The following XRN1 variants were observed in gnomAD, a reference collection of about 807,000 sequenced individuals.
XRN1 encodes the protein 5'-3' exoribonuclease 1, also known as strand-exchange protein 1 homolog.
A neutral mutation model predicts 222.3 loss-of-function variants in XRN1; 67 were observed. The ratio of observed to expected loss-of-function variants is 0.30; its 90% CI spans 0.25 to 0.37. The LOEUF (loss-of-function observed/expected upper bound fraction) is 0.37, where lower values mean the gene tolerates loss of function less well. Among genes scored for constraint, XRN1 ranks in the 10% least tolerant of loss-of-function variants. XRN1 has a pLI of 1.00. For synonymous variants in XRN1, 643 were observed against 652.4 expected (o/e 0.99, Z 0.22); for missense variants, 1,707 against 2,000.2 (o/e 0.85, Z 2.80).
At chr3:142,386,432 T>A (rs981582201) in intron 20 of XRN1, among the ~76,000 whole-genome samples, 11 of 152,078 alleles carry the variant, frequency 7.2e-5, no homozygotes, top group Admixed American at 2.0e-4. Context: ...ATATAATCAG[T>A]TTGACAGCTG....
In XRN1 at chr3:142,448,000, G is replaced by T. The variant is rs963951525; in HGVS notation, c.-56C>A. On this transcript the variant is annotated 5_prime_UTR_variant, in exon 1 of 41. Transcript: ENST00000392981. The surrounding 1 kb of genome is among the most constrained non-coding windows in gnomAD (Gnocchi z 4.2). ...CCAAACCGAAACCAAACGCCCCGCC[G>T]GGGCTCCGCCGCAGCCTCCGGTCGT... 1.9e-6 allele frequency: 3 copies of T among 1,581,576 alleles called. No homozygotes were observed. In the African/African-American group the frequency reaches 4.1e-5, roughly 21 times the overall value.
intron 27 of XRN1, among the ~76,000 whole-genome samples, chr3:142,367,203 C>T (rs1577304799): frequency 6.6e-6 from 1 of 152,040 alleles, no homozygotes; most frequent in Non-Finnish European, 1.5e-5. Context: ...AGAAGAATCG[C>T]TTGAACACAG....
At chr3:142,363,285 T>C (rs947358745) in intron 29 of XRN1, among the ~76,000 whole-genome samples, 4 of 152,138 alleles carry the variant, frequency 2.6e-5, no homozygotes, top group African/African-American at 9.7e-5. Flanking sequence ...ACACCATTTT[T>C]TTTCTTTTAC....
intron 33 of XRN1, among the ~76,000 whole-genome samples, chr3:142,345,912 T>C (rs1428749193): frequency 1.3e-5 from 2 of 152,190 alleles, no homozygotes; most frequent in Non-Finnish European, 2.9e-5. Flanking sequence ...TGTGGAGAAA[T>C]TGGACCTTCA....
chr3:142,353,878 A>G (rs2066385172), intron 32 of XRN1, among the ~76,000 whole-genome samples: 1 of 152,180 alleles, frequency 6.6e-6, no homozygotes, highest in Non-Finnish European at 1.5e-5. Context: ...TTATCAACAG[A>G]GTAAACACAA....
intron 1 of XRN1, among the ~76,000 whole-genome samples, chr3:142,446,829 T>C (rs896112478): frequency 8.3e-4 from 126 of 152,318 alleles, no homozygotes; most frequent in African/African-American, 2.8e-3. Context: ...CTATTTCTCA[T>C]CTACCAAATC....
chr3:142,443,981 A>G (rs553239197), intron 1 of XRN1, among the ~76,000 whole-genome samples: 3 of 152,250 alleles, frequency 2.0e-5, no homozygotes, highest in Non-Finnish European at 4.4e-5. Context: ...TCCAGCACAG[A>G]AAGACAAACA....
intron 19 of XRN1, among the ~76,000 whole-genome samples, chr3:142,397,955 T>A (rs1448466105): frequency 2.6e-5 from 4 of 152,024 alleles, no homozygotes; most frequent in Admixed American, 2.0e-4. Context: ...ATCAAAAAAA[T>A]TTAAGGTTGG....
chr3:142,411,417 A>C (rs1410206787), intron 15 of XRN1, among the ~76,000 whole-genome samples: 1 of 152,052 alleles, frequency 6.6e-6, no homozygotes, highest in Non-Finnish European at 1.5e-5. Flanking sequence ...CTTAAGTTAG[A>C]AGCTTAGGTA....
At chr3:142,314,770 T>C (rs1366929090) in intron 39 of XRN1, among the ~76,000 whole-genome samples, 1 of 151,544 alleles carries the variant, frequency 6.6e-6, no homozygotes, top group Non-Finnish European at 1.5e-5. Flanking sequence ...CCAGGTGTGG[T>C]GGTGGGTGCC....
Position 142,311,521 on chromosome 3 carries a change from G to A in XRN1, c.5075C>T (p.Pro1692Leu). The A allele has an allele frequency of 6.2e-7, 1 of 1,601,556 alleles. No individual in the cohort carries two copies. ...TTCTAAGAGCCAAATTTACTCAGAA[G>A]GTTTAGAAACACCAAAATTAACAGC... ...KLAVNFGVSK[P>L]SE Residue 1692 changes from proline to leucine, a missense_variant, in exon 41 of 41, where the codon CCT becomes CTT. Pro to Leu is a moderately conservative substitution (Grantham distance 98). Coordinates refer to ENST00000392981, the MANE Select transcript of XRN1 (RefSeq NM_001282857.2).
At chr3:142,440,219 A>G (rs978352805) in intron 1 of XRN1, among the ~76,000 whole-genome samples, 1 of 152,114 alleles carries the variant, frequency 6.6e-6, no homozygotes, top group Non-Finnish European at 1.5e-5. Context: ...GAGGGGTCCT[A>G]GGACAGCCAG....
chr3:142,421,492 A>G lies in XRN1; in HGVS notation c.1019T>C (p.Leu340Pro). 6.2e-7 allele frequency: 1 copy of G among 1,608,936 alleles called. No homozygotes were observed. Among genetic ancestry groups the G allele is most frequent in the East Asian group, 2.2e-5 (1 of 44,520 alleles). ...HLNLPRFEKY[L>P]VKLSDFDREH... ...GTTACTTACATCTGATAGTTTCACA[A>G]GGTATTTCTCAAATCGAGGTAAGTT... is the stretch of plus-strand genomic sequence containing the variant. Residue 340 changes from leucine (L) to proline (P), a missense_variant, in exon 9 of 41, where the codon CTT becomes CCT. Physicochemically the swap from Leu to Pro is moderately conservative, Grantham distance 98. This residue lies in a region of XRN1 where 1,234 missense variants were observed against 1,518.2 expected (regional missense o/e 0.81). Coordinates refer to ENST00000392981, the MANE Select transcript of XRN1 (RefSeq NM_001282857.2).
At position 142,359,729 on chromosome 3, in the gene XRN1, G is replaced by T. The variant is rs1051803688; in HGVS notation, c.3464+133C>A. 2.8e-5 allele frequency: 16 copies of T among 575,142 alleles called. No individual in the cohort carries two copies. In the East Asian group the frequency reaches 5.2e-4, roughly 19 times the overall value. The allele number at this position is 575,142 out of a possible 1,614,324, so 35.6% of individuals were successfully genotyped here. A position where few individuals can be genotyped will look rare whatever the true frequency, so the allele number is the denominator to read the frequency against. On this transcript the variant is annotated intron_variant, in intron 30 of 40. Coordinates refer to ENST00000392981, the MANE Select transcript of XRN1 (RefSeq NM_001282857.2). ...GTAGAAAGCATGTCTGCCTTATTCA[G>T]TGTTACATCCCTAGTAGCAAGTACG...
chr3:142,395,618 A>C (rs1012879448), intron 20 of XRN1, among the ~76,000 whole-genome samples: 1 of 152,282 alleles, frequency 6.6e-6, no homozygotes, highest in Middle Eastern at 3.4e-3. Flanking sequence ...TGCAACTCTC[A>C]ATCATTCCTT....
At chr3:142,384,496 C>T in intron 21 of XRN1, 27 bp downstream of exon 21, 1 of 1,584,508 alleles carries the variant, frequency 6.3e-7, no homozygotes, top group Non-Finnish European at 8.6e-7. Flanking sequence ...TATATTAAGA[C>T]AGAATTGAAA....
intron 18 of XRN1, among the ~76,000 whole-genome samples, chr3:142,402,196 T>G (rs1210640624): frequency 1.3e-5 from 2 of 152,154 alleles, no homozygotes; most frequent in Non-Finnish European, 2.9e-5. Flanking sequence ...TTTTTTCCTT[T>G]TTTGAGATGG....
At chr3:142,366,322 C>T (rs1391219180) in intron 27 of XRN1, among the ~76,000 whole-genome samples, 1 of 152,142 alleles carries the variant, frequency 6.6e-6, no homozygotes, top group Non-Finnish European at 1.5e-5. Flanking sequence ...GGACACAGAA[C>T]AGATCCAGGC....
chr3:142,336,059 T>C (rs2065843818), intron 33 of XRN1, among the ~76,000 whole-genome samples: 1 of 152,204 alleles, frequency 6.6e-6, no homozygotes, highest in Admixed American at 6.5e-5. Flanking sequence ...GCAGCTATTT[T>C]AATAGTTCTG....
Sources: allele counts gnomAD v4.1 joint callset (sites outside exome capture counted in the v4.1 genomes callset), GRCh38; gene constraint gnomAD v4.1.1; regional missense constraint gnomAD v4.1.1; non-coding constraint Gnocchi (gnomAD v3.1); transcripts MANE v1.5; gene names NCBI Gene and HGNC (gene_info 2026-07-23, HGNC 2026-07-21).